The following SCARA5 variants were observed in gnomAD, a reference collection of about 807,000 sequenced individuals.
The protein encoded by SCARA5 is scavenger receptor class A, member 5 (putative).
SCARA5 carries 45 observed loss-of-function variants against 46.3 expected under a neutral mutation model. The observed-to-expected ratio is 0.97, with a 90% CI of 0.76 to 1.24. SCARA5 has a LOEUF of 1.24. Ranked by LOEUF, SCARA5 falls within the 50% of genes most tolerant of loss-of-function variation. The pLI is 0.00. For synonymous variants in SCARA5, 333 were observed against 306.5 expected (o/e 1.09, Z -0.90); for missense variants, 680 against 689.0 (o/e 0.99, Z 0.15).
At chr8:27,969,857 T>A (rs1272716088) in intron 2 of SCARA5, among the ~76,000 whole-genome samples, 2 of 152,244 alleles carry the variant, frequency 1.3e-5, no homozygotes, top group Admixed American at 6.5e-5. Context: ...AAAGTAGAGC[T>A]TTTGACTTAA....
intron 2 of SCARA5, among the ~76,000 whole-genome samples, chr8:27,971,222 G>T (rs538213868): frequency 1.6e-4 from 25 of 152,364 alleles, no homozygotes; most frequent in African/African-American, 5.3e-4. Context: ...AATGAGGTTG[G>T]TGCGGAAGGG....
intron 3 of SCARA5, among the ~76,000 whole-genome samples, chr8:27,925,759 A>C (rs1563528466): frequency 6.6e-6 from 1 of 152,192 alleles, no homozygotes; most frequent in Non-Finnish European, 1.5e-5. Context: ...AAGAAAAAAA[A>C]CAAACCACCC....
intron 2 of SCARA5, among the ~76,000 whole-genome samples, chr8:27,968,947 C>T (rs1053887867): frequency 3.3e-5 from 5 of 152,176 alleles, no homozygotes; most frequent in Non-Finnish European, 5.9e-5. Context: ...ACAGACCTTC[C>T]TTTGAGAGAG....
intron 2 of SCARA5, among the ~76,000 whole-genome samples, chr8:27,985,351 C>A (rs140736547): frequency 3.9e-4 from 60 of 152,206 alleles, no homozygotes; most frequent in African/African-American, 1.3e-3. Context: ...GGGCAAAAGA[C>A]CCAGGTGAGC....
At chr8:27,896,762 CT>C (rs1807070536) in intron 7 of SCARA5, among the ~76,000 whole-genome samples, 1 of 152,282 alleles carries the variant, frequency 6.6e-6, no homozygotes, top group South Asian at 2.1e-4. Flanking sequence ...TCGTCTGTCT[CT>C]TTCTTCCATC....
intron 7 of SCARA5, among the ~76,000 whole-genome samples, chr8:27,888,783 G>A (rs553657743): frequency 6.6e-6 from 1 of 152,304 alleles, no homozygotes; most frequent in South Asian, 2.1e-4. Flanking sequence ...AGAGAAAAGT[G>A]CTGTCACCTC....
intron 3 of SCARA5, among the ~76,000 whole-genome samples, chr8:27,924,272 T>C (rs1348080678): frequency 6.6e-6 from 1 of 152,156 alleles, no homozygotes; most frequent in Non-Finnish European, 1.5e-5. Context: ...CTGGGGAACT[T>C]GGTACACAGC....
At position 27,978,090 on chromosome 8, in the gene SCARA5, G is replaced by A. The variant is rs141755735; in HGVS notation, c.112+9414C>T. On this transcript the variant is annotated intron_variant, in intron 2 of 8. Coordinates refer to ENST00000354914, the MANE Select transcript of SCARA5 (RefSeq NM_173833.6). ...CTCCCAGACTGGAGTGCAGTGGCGC[G>A]ATCTTGGCTCACTGCAACCTCTGCC... is the stretch of plus-strand genomic sequence containing the variant. Among the ~76,000 whole-genome samples the A allele has an allele frequency of 7.9e-3, 1,140 of 143,720 alleles. 14 individuals are homozygous for A. Among genetic ancestry groups the A allele is most frequent in the African/African-American group, 0.028 (1,083 of 38,016 alleles). The allele number at this position is 143,720 out of a possible 152,430, so 94.3% of individuals were successfully genotyped here. A position where few individuals can be genotyped will look rare whatever the true frequency, so the allele number is the denominator to read the frequency against.
At position 27,904,805 on chromosome 8, in the gene SCARA5, C is replaced by G. The variant is rs1563519115; in HGVS notation, c.1126G>C (p.Glu376Gln). The G allele has an allele frequency of 1.2e-6, 2 of 1,613,346 alleles. No individual in the cohort carries two copies. ...GCATCCCCAGCTCTGTCTCCTTTCT[C>G]TCCTTTCTCTCCTTTTGGGCCTCGG... ...GDRGPKGEKG[E>Q]KGDRAGDASG... The change falls in exon 7 of 9, where the codon GAG (glutamate) becomes CAG (glutamine). Residue 376 changes from glutamate to glutamine, a missense_variant. Glu to Gln is a conservative substitution (Grantham distance 29). Coordinates refer to ENST00000354914, the MANE Select transcript of SCARA5 (RefSeq NM_173833.6).
At chr8:27,901,856 G>A (rs954985282) in intron 7 of SCARA5, among the ~76,000 whole-genome samples, 2 of 152,346 alleles carry the variant, frequency 1.3e-5, no homozygotes, top group South Asian at 4.1e-4. Context: ...CCATCCCAGG[G>A]TCAGGAAGTC....
intron 3 of SCARA5, among the ~76,000 whole-genome samples, chr8:27,947,491 G>T (rs1432423432): frequency 3.5e-5 from 1 of 28,536 alleles, no homozygotes; most frequent in Non-Finnish European, 1.5e-4. Flanking sequence ...TCCACTGACA[G>T]ATGGATGGAT....
chr8:27,931,721 T>G (rs1356842203), intron 3 of SCARA5, among the ~76,000 whole-genome samples: 2 of 151,974 alleles, frequency 1.3e-5, no homozygotes, highest in Admixed American at 6.6e-5. Context: ...AGTGCAGGGG[T>G]GCGATCTCAG....
intron 3 of SCARA5, among the ~76,000 whole-genome samples, chr8:27,945,696 C>T (rs201891302): frequency 1.7e-4 from 26 of 152,278 alleles, no homozygotes; most frequent in African/African-American, 6.0e-4. Flanking sequence ...CCCCCTATAG[C>T]ACCCCATGGT....
intron 2 of SCARA5, among the ~76,000 whole-genome samples, chr8:27,973,375 G>A (rs2129955546): frequency 6.6e-6 from 1 of 152,216 alleles, no homozygotes; most frequent in Admixed American, 6.5e-5. Flanking sequence ...TACTCAGGAG[G>A]CTGAGGCAGG....
chr8:27,900,255 G>A (rs1807129608), intron 7 of SCARA5, among the ~76,000 whole-genome samples: 1 of 152,170 alleles, frequency 6.6e-6, no homozygotes, highest in Non-Finnish European at 1.5e-5. Context: ...ATTCTCCCGG[G>A]CACCTGGTAC....
chr8:27,955,039 C>A lies in SCARA5; in HGVS notation c.241+11375G>T, dbSNP rs574531206. On this transcript the variant is annotated intron_variant, in intron 3 of 8. Transcript: ENST00000354914. ...CAGCATGGTGGGGGCTCTGTAGGAT[C>A]CACCACTTCCCACCCTCAGAGGTGG... Among the ~76,000 whole-genome samples, 7 of 152,306 alleles carry A rather than the reference C, an allele frequency of 4.6e-5. No individual in the cohort carries two copies. The South Asian group carries it at 1.5e-3, about 32-fold the overall frequency.
intron 1 of SCARA5, among the ~76,000 whole-genome samples, chr8:27,990,784 G>T (rs1213122230): frequency 1.3e-5 from 2 of 152,216 alleles, no homozygotes; most frequent in Non-Finnish European, 2.9e-5. Context: ...AAGCACATGG[G>T]CGAGATGTGG....
intron 3 of SCARA5, among the ~76,000 whole-genome samples, chr8:27,926,210 A>G (rs138826203): frequency 0.01 from 1,584 of 152,350 alleles, 35 homozygotes; most frequent in African/African-American, 0.036. Flanking sequence ...ATGTCCATCA[A>G]TGATAGACTG....
At chr8:27,914,127 T>C (rs528775429) in intron 4 of SCARA5, among the ~76,000 whole-genome samples, 96 of 152,344 alleles carry the variant, frequency 6.3e-4, no homozygotes, top group Non-Finnish European at 1.2e-3. Context: ...TGAGGTCTGA[T>C]GGTTTTATAA....
Sources: gnomAD v4.1 joint callset for allele counts (sites outside exome capture counted in the v4.1 genomes callset) on GRCh38, gnomAD v4.1.1 for gene constraint, MANE v1.5 for transcripts, NCBI Gene and HGNC (gene_info 2026-07-23, HGNC 2026-07-21) for gene names.